Variants in CRKL observed in about 807,000 individuals in gnomAD.
CRKL encodes the protein crk-like protein.
In CRKL, 3 loss-of-function variants were observed where a neutral mutation model predicts 23.0. The ratio of observed to expected loss-of-function variants is 0.13; its 90% CI spans 0.06 to 0.34. CRKL has a LOEUF of 0.34. CRKL is among the 10% of genes least tolerant of loss of function. The probability of loss-of-function intolerance (pLI) is 1.00; values close to 1 mark genes in which losing one functional copy is unlikely to be tolerated. For synonymous variants in CRKL, 188 were observed against 160.7 expected, an observed-to-expected ratio of 1.17 and a Z score of -1.28; for missense variants, 256 against 394.5, an observed-to-expected ratio of 0.65 and a Z score of 2.97.
intron 2 of CRKL, among the ~76,000 whole-genome samples, chr22:20,941,084 C>T (rs1921853060): frequency 1.3e-5 from 2 of 152,096 alleles, no homozygotes; most frequent in African/African-American, 4.8e-5. Context: ...CTGACTCAGC[C>T]CTGGGGGTCC....
In CRKL at chr22:20,917,941, T is replaced by C. The variant is rs2147891231; in HGVS notation, c.7T>C (p.Ser3Pro). 1 of 1,613,472 alleles carries C rather than the reference T, an allele frequency of 6.2e-7. No individual in the cohort carries two copies. The highest frequency in any genetic ancestry group is 8.5e-7 in the Non-Finnish European group (1 of 1,179,862). MS[S>P]ARFDSSDRSA... ...GAGTCCCCGGTCCAACACCATGTCCTCCGCCAGGTTCGACTCCTCGGACCG... is the reference window on the plus strand; with the variant it reads ...GAGTCCCCGGTCCAACACCATGTCCCCCGCCAGGTTCGACTCCTCGGACCG... Residue 3 changes from serine (S) to proline (P), a missense_variant, in exon 1 of 3, where the codon TCC becomes CCC. Around this residue, in one of 3 missense-constraint regions of CRKL, gnomAD observed 85 missense variants for 139.8 expected, o/e 0.61. Transcript: ENST00000354336.
In CRKL at chr22:20,953,145, C is replaced by T. The variant is rs929221431; in HGVS notation, c.*3300C>T. 4.3e-6 allele frequency: 1 copy of T among 231,620 alleles called. No individual in the cohort carries two copies. The highest frequency in any genetic ancestry group is 2.2e-5 in the African/African-American group (1 of 45,180). The allele number at this position is 231,620 out of a possible 1,614,324, so 14.3% of individuals were successfully genotyped here. ...TTTTGCCAGGTGTTTATAATTAATC[C>T]TTTAATATTATGGTTATTAACCTCT... On this transcript the variant is annotated 3_prime_UTR_variant, in exon 3 of 3. Coordinates refer to ENST00000354336, the MANE Select transcript of CRKL (RefSeq NM_005207.4).
At chr22:20,930,735 C>T (rs1365099082) in intron 1 of CRKL, among the ~76,000 whole-genome samples, 1 of 112,730 alleles carries the variant, frequency 8.9e-6, no homozygotes, top group Non-Finnish European at 1.7e-5. Context: ...CTGTTTCAGG[C>T]AGTGACGTGA....
intron 1 of CRKL, among the ~76,000 whole-genome samples, chr22:20,931,166 G>T: frequency 6.6e-6 from 1 of 152,158 alleles, no homozygotes; most frequent in South Asian, 2.1e-4. Flanking sequence ...AACACTTTGG[G>T]AGGCCAAGGC....
At chr22:20,943,211 GTTAT>G (rs1486357221) in intron 2 of CRKL, among the ~76,000 whole-genome samples, 1 of 152,008 alleles carries the variant, frequency 6.6e-6, no homozygotes, top group African/African-American at 2.4e-5. Flanking sequence ...TTTTAATTGG[GTTAT>G]TTGAGCGTTT....
At chr22:20,949,317 A>T (rs1243089893) in intron 2 of CRKL, among the ~76,000 whole-genome samples, 1 of 152,116 alleles carries the variant, frequency 6.6e-6, no homozygotes. Flanking sequence ...AGAAGAGATG[A>T]GGTTTCACCA....
At chr22:20,944,974 C>A (rs904395754) in intron 2 of CRKL, among the ~76,000 whole-genome samples, 1 of 151,814 alleles carries the variant, frequency 6.6e-6, no homozygotes, top group Admixed American at 6.6e-5. Context: ...GCATGAGCTA[C>A]CGTGCCCTGC....
chr22:20,944,139 C>CTTTTTTTTTTTTTTTTTTTTTTT (rs57177824), intron 2 of CRKL, among the ~76,000 whole-genome samples: 1 of 105,858 alleles, frequency 9.4e-6, no homozygotes, highest in African/African-American at 3.7e-5. Flanking sequence ...GTAGTATTAG[C>CTTTTTTTTTTTTTTTTTTTTTTT]TTTTTTTTTT....
Position 20,934,373 on chromosome 22 carries a change from G to T in CRKL, c.777+129G>T, listed in dbSNP as rs878970518. ...AGCACTGGATGATTTTGGAAGATAC[G>T]CACTGTTAGCGTTTCATTTTAAAAT... On this transcript the variant is annotated intron_variant, in intron 2 of 2. Coordinates refer to ENST00000354336, the MANE Select transcript of CRKL (RefSeq NM_005207.4). 1.1e-5 allele frequency: 9 copies of T among 824,686 alleles called. No individual in the cohort carries two copies. The East Asian group carries it at 2.4e-4, about 22-fold the overall frequency. 51.1% of individuals were successfully genotyped at this position (824,686 alleles called of 1,614,324 possible). A position where few individuals can be genotyped will look rare whatever the true frequency, so the allele number is the denominator to read the frequency against.
intron 1 of CRKL, among the ~76,000 whole-genome samples, chr22:20,921,674 G>A (rs1920997457): frequency 6.6e-6 from 1 of 151,854 alleles, no homozygotes. Flanking sequence ...AGGTGAGAAA[G>A]TCCATTGTGT....
Position 20,929,503 on chromosome 22 carries a change from G to A in CRKL, c.312-4276G>A, listed in dbSNP as rs963872191. Among the ~76,000 whole-genome samples, 8 of 140,492 alleles carry A rather than the reference G, an allele frequency of 5.7e-5. No homozygotes were observed. The South Asian group carries it at 1.2e-3, about 21-fold the overall frequency. The allele number at this position is 140,492 out of a possible 152,430, so 92.2% of individuals were successfully genotyped here. On this transcript the variant is annotated intron_variant, in intron 1 of 2. Transcript: ENST00000354336. Reference sequence around the variant, plus strand: ...TTTTGAGACGGAATCTCTGTCTGTCGCCCAGGCTGGAGTGCAGTGGCATGA... The same window carrying A: ...TTTTGAGACGGAATCTCTGTCTGTCACCCAGGCTGGAGTGCAGTGGCATGA...
intron 1 of CRKL, among the ~76,000 whole-genome samples, chr22:20,920,456 C>A (rs1015693005): frequency 6.6e-6 from 1 of 151,406 alleles, no homozygotes; most frequent in Non-Finnish European, 1.5e-5. Context: ...GAGCCGAGAT[C>A]GCGCCACTGC....
intron 2 of CRKL, among the ~76,000 whole-genome samples, chr22:20,939,789 CT>C (rs57712024): frequency 0.53 from 67,223 of 128,022 alleles, 16,129 homozygotes; most frequent in South Asian, 0.59. Context: ...TCTCTGAATC[CT>C]TTTTTTTTTT....
At chr22:20,918,817 C>G (rs1364260296) in intron 1 of CRKL, among the ~76,000 whole-genome samples, 1 of 152,150 alleles carries the variant, frequency 6.6e-6, no homozygotes, top group Admixed American at 6.5e-5. Context: ...GTCTCGATCT[C>G]TTGCCCTCGT....
chr22:20,929,058 G>T (rs981448006), intron 1 of CRKL, among the ~76,000 whole-genome samples: 2 of 152,182 alleles, frequency 1.3e-5, no homozygotes, highest in African/African-American at 4.8e-5. Flanking sequence ...TTAGTTGTTA[G>T]GGGCTTTGCT....
At chr22:20,929,022 A>T (rs536441050) in intron 1 of CRKL, among the ~76,000 whole-genome samples, 3 of 152,162 alleles carry the variant, frequency 2.0e-5, no homozygotes, top group African/African-American at 7.2e-5. Flanking sequence ...ATTCGTTATC[A>T]TCAGAAAAGA....
intron 1 of CRKL, among the ~76,000 whole-genome samples, chr22:20,925,839 G>A (rs1453712727): frequency 2.0e-5 from 3 of 152,166 alleles, no homozygotes; most frequent in Non-Finnish European, 4.4e-5. Context: ...AAAAAGGAGG[G>A]AAATAGGAAA....
Position 20,920,155 on chromosome 22 carries a change from C to CA in CRKL, c.311+1910_311+1911insA, listed in dbSNP as rs1920975353. ...TAATTAATACCAGGCATTCATTAAG[C>CA]CATGCATATGCTTATGTTGAGGTCA... On this transcript the variant is annotated intron_variant, in intron 1 of 2. Coordinates refer to ENST00000354336, the MANE Select transcript of CRKL (RefSeq NM_005207.4). Among the ~76,000 whole-genome samples, 4 of 152,094 alleles carry CA rather than the reference C, an allele frequency of 2.6e-5. No individual in the cohort carries two copies. The South Asian group carries it at 8.3e-4, about 32-fold the overall frequency.
intron 1 of CRKL, among the ~76,000 whole-genome samples, chr22:20,923,543 C>T (rs933793531): frequency 1.3e-5 from 2 of 149,560 alleles, no homozygotes; most frequent in East Asian, 4.0e-4. Flanking sequence ...TCCCAAAGTG[C>T]TGGGATTACA....
Sources: allele counts gnomAD v4.1 joint callset (sites outside exome capture counted in the v4.1 genomes callset), GRCh38; gene constraint gnomAD v4.1.1; regional missense constraint gnomAD v4.1.1; transcripts MANE v1.5; gene names NCBI Gene and HGNC (gene_info 2026-07-23, HGNC 2026-07-21).